Variants in RAB11A observed in about 807,000 individuals in gnomAD.
RAB11A encodes the protein ras-related protein Rab-11A.
Under a neutral mutation model 28.0 loss-of-function variants are expected in RAB11A, and 9 were observed. The observed-to-expected ratio is 0.32, with a 90% CI of 0.19 to 0.56. The LOEUF is 0.56. Among genes scored for constraint, RAB11A ranks in the 20% least tolerant of loss-of-function variants. The probability of loss-of-function intolerance (pLI) is 0.91; values close to 1 mark genes in which losing one functional copy is unlikely to be tolerated. For synonymous variants in RAB11A, 85 were observed against 88.2 expected (o/e 0.96, Z 0.20); for missense variants, 108 against 269.6 (o/e 0.40, Z 4.20).
chr15:65,873,734 A>T (rs1455186120), intron 1 of RAB11A, among the ~76,000 whole-genome samples: 4 of 150,944 alleles, frequency 2.6e-5, no homozygotes, highest in African/African-American at 9.8e-5. Flanking sequence ...TTTTTTTTTA[A>T]GACTATCCCA....
Position 65,889,965 on chromosome 15 carries a change from A to G in RAB11A, c.*2125A>G, listed in dbSNP as rs545050525. On this transcript the variant is annotated 3_prime_UTR_variant, in exon 5 of 5. Coordinates refer to ENST00000261890, the MANE Select transcript of RAB11A (RefSeq NM_004663.5). ...AGACAAACTGTCTCAAGCAAGAAACAATAAATTTTTAAATATTATGACAGT... is the reference window on the plus strand; with the variant it reads ...AGACAAACTGTCTCAAGCAAGAAACGATAAATTTTTAAATATTATGACAGT... 3 of 152,346 alleles carry G rather than the reference A, an allele frequency of 2.0e-5. No homozygotes were observed. The East Asian group carries it at 5.8e-4, about 29-fold the overall frequency. 9.4% of individuals were successfully genotyped at this position (152,346 alleles called of 1,614,324 possible).
At chr15:65,882,196 C>G (rs932714466) in intron 4 of RAB11A, among the ~76,000 whole-genome samples, 1 of 152,198 alleles carries the variant, frequency 6.6e-6, no homozygotes, top group Non-Finnish European at 1.5e-5. Flanking sequence ...TTCACTGTTT[C>G]CTCAGCTTCC....
intron 4 of RAB11A, among the ~76,000 whole-genome samples, chr15:65,884,737 TCTTGTGG>T (rs2078244005): frequency 6.6e-6 from 1 of 150,478 alleles, no homozygotes; most frequent in Non-Finnish European, 1.5e-5. Flanking sequence ...TACTTAAGTC[TCTTGTGG>T]CTGGGTGTGT....
In RAB11A at chr15:65,877,142, G is replaced by A. The variant is rs1320511190; in HGVS notation, c.41-190G>A. ...AGAAACAGGTTGAAAAGAATAAATC[G>A]GTTTTATTGATTGGTAACTGGTCAA... On this transcript the variant is annotated intron_variant, in intron 1 of 4. Coordinates refer to ENST00000261890, the MANE Select transcript of RAB11A (RefSeq NM_004663.5). This position sits in a 1 kb window ranked among gnomAD's most constrained non-coding sequence, Gnocchi z 4.1. 6.6e-6 allele frequency among the ~76,000 whole-genome samples: 1 copy of A among 152,124 alleles called. No homozygotes were observed. The highest frequency in any genetic ancestry group is 2.4e-5 in the African/African-American group (1 of 41,428).
At chr15:65,881,902 C>T (rs958570604) in intron 4 of RAB11A, among the ~76,000 whole-genome samples, 47 of 87,010 alleles carry the variant, frequency 5.4e-4, no homozygotes, top group Admixed American at 4.7e-3. Context: ...AAAAAAAAAA[C>T]ACAAAAAAAT....
At chr15:65,883,665 G>A (rs898459664) in intron 4 of RAB11A, among the ~76,000 whole-genome samples, 2 of 151,382 alleles carry the variant, frequency 1.3e-5, no homozygotes, top group African/African-American at 4.9e-5. Flanking sequence ...AGCAATTCTC[G>A]TGTCTCAGCC....
At chr15:65,885,791 A>G (rs2078252613) in intron 4 of RAB11A, among the ~76,000 whole-genome samples, 1 of 152,272 alleles carries the variant, frequency 6.6e-6, no homozygotes, top group Admixed American at 6.5e-5. Context: ...AAATTTATTA[A>G]CATGTACACT....
At chr15:65,876,384 C>T (rs971130456) in intron 1 of RAB11A, among the ~76,000 whole-genome samples, 3 of 152,090 alleles carry the variant, frequency 2.0e-5, no homozygotes, top group African/African-American at 7.2e-5. Flanking sequence ...GCAACCTCTG[C>T]TTCCCGGGTT....
chr15:65,878,672 C>T (rs1473541933), intron 3 of RAB11A, among the ~76,000 whole-genome samples: 4 of 152,060 alleles, frequency 2.6e-5, no homozygotes, highest in Non-Finnish European at 5.9e-5. Context: ...AGCGAGACTC[C>T]GTCCCAAAAA....
chr15:65,877,132 A>G lies in RAB11A; in HGVS notation c.41-200A>G, dbSNP rs116142906. ...TCATGCAGGTAGAAACAGGTTGAAA[A>G]GAATAAATCGGTTTTATTGATTGGT... is the stretch of plus-strand genomic sequence containing the variant. On this transcript the variant is annotated intron_variant, in intron 1 of 4. Transcript: ENST00000261890. The surrounding 1 kb of genome is among the most constrained non-coding windows in gnomAD (Gnocchi z 4.1). 0.011 allele frequency among the ~76,000 whole-genome samples: 1,643 copies of G among 152,344 alleles called. 24 individuals carry two copies. Among genetic ancestry groups the G allele is most frequent in the African/African-American group, 0.037 (1,532 of 41,582 alleles).
intron 4 of RAB11A, among the ~76,000 whole-genome samples, chr15:65,886,908 T>A (rs2078259157): frequency 6.6e-6 from 1 of 152,204 alleles, no homozygotes; most frequent in African/African-American, 2.4e-5. Flanking sequence ...TAATTACAAT[T>A]TAAGTTTTGT....
chr15:65,880,785 C>T (rs1218888685), intron 4 of RAB11A, among the ~76,000 whole-genome samples: 1 of 152,116 alleles, frequency 6.6e-6, no homozygotes, highest in African/African-American at 2.4e-5. Flanking sequence ...CCCTTTTAGG[C>T]CTTAATTTCT....
intron 3 of RAB11A, among the ~76,000 whole-genome samples, chr15:65,878,304 T>C (rs1022841979): frequency 6.6e-6 from 1 of 152,224 alleles, no homozygotes; most frequent in African/African-American, 2.4e-5. Context: ...CTGTAACTTT[T>C]TGGCTTCATA....
At chr15:65,885,332 T>C (rs1567139162) in intron 4 of RAB11A, among the ~76,000 whole-genome samples, 1 of 151,950 alleles carries the variant, frequency 6.6e-6, no homozygotes, top group Non-Finnish European at 1.5e-5. Flanking sequence ...TTCACCATGT[T>C]TGCCAAGATG....
intron 3 of RAB11A, among the ~76,000 whole-genome samples, chr15:65,878,534 C>CCGGGCGCGGTGG (rs1331546890): frequency 6.6e-6 from 1 of 152,136 alleles, no homozygotes; most frequent in Non-Finnish European, 1.5e-5. Flanking sequence ...ATACAAAAAA[C>CCGGGCGCGGTGG]CGGGCGCGGT....
At chr15:65,885,195 A>G (rs533656907) in intron 4 of RAB11A, among the ~76,000 whole-genome samples, 3 of 136,130 alleles carry the variant, frequency 2.2e-5, no homozygotes, top group Non-Finnish European at 3.1e-5. Context: ...CAGTGGTGCT[A>G]TCTCACTACA....
chr15:65,871,336 A>G (rs2078159841), intron 1 of RAB11A, among the ~76,000 whole-genome samples: 1 of 152,166 alleles, frequency 6.6e-6, no homozygotes, highest in South Asian at 2.1e-4. Context: ...AGTTCATTTT[A>G]CAAATACAAA....
intron 4 of RAB11A, among the ~76,000 whole-genome samples, chr15:65,879,964 A>G (rs1261612890): frequency 3.3e-5 from 5 of 152,208 alleles, no homozygotes; most frequent in Admixed American, 3.3e-4. Flanking sequence ...AGTGGGAAAA[A>G]TACTTTGAAA....
At chr15:65,876,000 A>G (rs1441803539) in intron 1 of RAB11A, among the ~76,000 whole-genome samples, 2 of 152,350 alleles carry the variant, frequency 1.3e-5, no homozygotes, top group Non-Finnish European at 2.9e-5. Context: ...GCTGATACCA[A>G]TTTTTACAAA....
Sources: gnomAD v4.1 joint callset for allele counts (sites outside exome capture counted in the v4.1 genomes callset) on GRCh38, gnomAD v4.1.1 for gene constraint, Gnocchi (gnomAD v3.1) non-coding constraint, MANE v1.5 for transcripts, NCBI Gene and HGNC (gene_info 2026-07-23, HGNC 2026-07-21) for gene names.